Variants in MCTP1 observed in about 807,000 individuals in gnomAD.
The protein encoded by MCTP1 is multiple C2 and transmembrane domain containing 1, also known as multiple C2 and transmembrane domain-containing protein 1.
Under a neutral mutation model 120.6 loss-of-function variants are expected in MCTP1, and 69 were observed. The ratio of observed to expected loss-of-function variants is 0.57; its 90% CI spans 0.47 to 0.70. The LOEUF is 0.70. MCTP1 is among the 30% of genes least tolerant of loss of function. MCTP1 has a pLI of 0.00. For missense variants in MCTP1, 1,203 were observed against 1,248.8 expected (o/e 0.96, Z 0.55); for synonymous variants, 529 against 493.1 (o/e 1.07, Z -0.96).
chr5:95,195,806 T>G (rs1750323322), intron 1 of MCTP1, among the ~76,000 whole-genome samples: 1 of 152,144 alleles, frequency 6.6e-6, no homozygotes, highest in Non-Finnish European at 1.5e-5. Context: ...ATATTTTATA[T>G]GTATAGAAGT....
rs561161710 is a variant in MCTP1 at position 95,150,386 on chromosome 5, G to A, written c.721-132902C>T. ...AGCAGAACAAACCTCTTTCTAAGCC[G>A]GTGGTTCTGATCATTTTGGAAAAAG... On this transcript the variant is annotated intron_variant, in intron 1 of 22. Transcript: ENST00000515393. Among the ~76,000 whole-genome samples the A allele has an allele frequency of 1.2e-3, 181 of 152,232 alleles. 1 individual carries two copies. Among genetic ancestry groups the A allele is most frequent in the African/African-American group, 4.0e-3 (167 of 41,528 alleles).
intron 1 of MCTP1, among the ~76,000 whole-genome samples, chr5:95,132,593 G>A (rs1759129122): frequency 6.8e-6 from 1 of 146,064 alleles, no homozygotes. Flanking sequence ...TCCCTGACTC[G>A]TCGGCTCTGC....
chr5:94,859,362 G>A (rs1253857935), intron 17 of MCTP1, among the ~76,000 whole-genome samples: 1 of 151,566 alleles, frequency 6.6e-6, no homozygotes, highest in Non-Finnish European at 1.5e-5. Context: ...CTAGATAGGA[G>A]GAATATGTTT....
chr5:95,209,213 G>A (rs1343765791), intron 1 of MCTP1, among the ~76,000 whole-genome samples: 1 of 152,092 alleles, frequency 6.6e-6, no homozygotes, highest in East Asian at 1.9e-4. Context: ...TCAAAACATT[G>A]AGGGGAGAAA....
At chr5:95,262,556 G>C (rs1758556186) in intron 1 of MCTP1, among the ~76,000 whole-genome samples, 1 of 152,076 alleles carries the variant, frequency 6.6e-6, no homozygotes, top group Non-Finnish European at 1.5e-5. Context: ...CTGCATGGAG[G>C]GCTGTGTGCT....
Position 94,704,180 on chromosome 5 carries a change from C to T in MCTP1, c.*3316G>A, listed in dbSNP as rs1032371193. On this transcript the variant is annotated 3_prime_UTR_variant, in exon 23 of 23. Transcript: ENST00000515393. ...ATTCTAGATACCCTAATCAAACCAA[C>T]GAATAGACATCATCTGTACACTCAC... The T allele has an allele frequency of 1.9e-5, 2 of 106,290 alleles. No individual in the cohort carries two copies. Among genetic ancestry groups the T allele is most frequent in the Non-Finnish European group, 4.1e-5 (2 of 49,146 alleles). 6.6% of individuals were successfully genotyped at this position (106,290 alleles called of 1,614,324 possible). A position where few individuals can be genotyped will look rare whatever the true frequency, so the allele number is the denominator to read the frequency against.
chr5:94,912,683 G>T, intron 9 of MCTP1, 123 bp downstream of exon 9: 1 of 712,038 alleles, frequency 1.4e-6, no homozygotes, highest in East Asian at 3.2e-5. Flanking sequence ...TTTCTGACAT[G>T]GTGTTCAAAA....
intron 1 of MCTP1, among the ~76,000 whole-genome samples, chr5:95,200,092 C>T (rs1326836861): frequency 1.0e-4 from 15 of 145,042 alleles, no homozygotes; most frequent in Non-Finnish European, 1.4e-4. Flanking sequence ...ACCCGGGAGG[C>T]GGAAGTTGCG....
intron 2 of MCTP1, among the ~76,000 whole-genome samples, chr5:95,013,677 T>A (rs1056068586): frequency 2.6e-5 from 4 of 152,134 alleles, no homozygotes; most frequent in Non-Finnish European, 5.9e-5. Flanking sequence ...TTGTGACTTA[T>A]GGCTCAGAAG....
chr5:94,952,959 A>G (rs1424921324), intron 3 of MCTP1, among the ~76,000 whole-genome samples: 2 of 152,208 alleles, frequency 1.3e-5, no homozygotes, highest in African/African-American at 2.4e-5. Flanking sequence ...GCACTAAATC[A>G]GTTGGCAATA....
intron 17 of MCTP1, among the ~76,000 whole-genome samples, chr5:94,835,719 T>C (rs1789574006): frequency 6.6e-6 from 1 of 152,182 alleles, no homozygotes; most frequent in Non-Finnish European, 1.5e-5. Context: ...AAGAGAATTC[T>C]TCAGGCCAGG....
intron 1 of MCTP1, among the ~76,000 whole-genome samples, chr5:95,025,780 A>G (rs1581903943): frequency 6.6e-6 from 1 of 152,176 alleles, no homozygotes; most frequent in East Asian, 1.9e-4. Flanking sequence ...ACCCAGCCTG[A>G]TAATCAATTT....
intron 17 of MCTP1, chr5:94,826,336 G>T (rs1192023979): frequency 1.3e-5 from 7 of 551,332 alleles, no homozygotes; most frequent in East Asian, 3.8e-5. Context: ...CTTCACAAAG[G>T]TTCCACTGAG....
intron 1 of MCTP1, among the ~76,000 whole-genome samples, chr5:95,058,126 T>C (rs1323564721): frequency 1.3e-5 from 2 of 152,174 alleles, no homozygotes; most frequent in African/African-American, 4.8e-5. Context: ...TCTAATGGGA[T>C]AAAATAGCTG....
intron 19 of MCTP1, among the ~76,000 whole-genome samples, chr5:94,778,478 A>T (rs1775903003): frequency 2.0e-5 from 3 of 151,924 alleles, no homozygotes. Context: ...TCCCTAGGGG[A>T]CAACCAATCC....
chr5:94,910,326 A>G lies in MCTP1; in HGVS notation c.1522-945T>C, dbSNP rs114517530. 5.5e-3 allele frequency among the ~76,000 whole-genome samples: 837 copies of G among 152,126 alleles called. 5 individuals are homozygous for G. The highest frequency in any genetic ancestry group is 9.0e-3 in the Non-Finnish European group (610 of 67,942). ...TAATTCTGTAACTTCAAGTATTCAG[A>G]TAAGTCATCCTGTATGGTAGAATCA... On this transcript the variant is annotated intron_variant, in intron 9 of 22. Transcript: ENST00000515393.
intron 1 of MCTP1, among the ~76,000 whole-genome samples, chr5:95,231,481 A>G (rs1242339543): frequency 1.3e-5 from 2 of 152,232 alleles, no homozygotes; most frequent in Non-Finnish European, 2.9e-5. Flanking sequence ...ATAGTTTTTA[A>G]GACAATGACA....
intron 1 of MCTP1, among the ~76,000 whole-genome samples, chr5:95,032,812 A>G (rs903128492): frequency 6.6e-6 from 1 of 152,094 alleles, no homozygotes; most frequent in African/African-American, 2.4e-5. Context: ...TTTCTTCAAA[A>G]GGATAAACAG....
intron 1 of MCTP1, among the ~76,000 whole-genome samples, chr5:95,230,477 G>C (rs919257004): frequency 6.6e-6 from 1 of 151,962 alleles, no homozygotes; most frequent in Non-Finnish European, 1.5e-5. Context: ...TTCTGCTTTT[G>C]GTCCTTAAAA....
Sources: allele counts gnomAD v4.1 joint callset (sites outside exome capture counted in the v4.1 genomes callset), GRCh38; gene constraint gnomAD v4.1.1; transcripts MANE v1.5; gene names NCBI Gene and HGNC (gene_info 2026-07-23, HGNC 2026-07-21).